Variants in IMMP2L observed in about 807,000 individuals in gnomAD.
The protein encoded by IMMP2L is inner mitochondrial membrane peptidase subunit 2.
In IMMP2L, 18 loss-of-function variants were observed where a neutral mutation model predicts 19.3. That is an observed-to-expected ratio of 0.93 (90% CI 0.64 to 1.38). IMMP2L has a LOEUF of 1.38. Among genes scored for constraint, IMMP2L ranks in the 40% most tolerant of loss-of-function variants. The probability of loss-of-function intolerance (pLI) is 0.00; values close to 1 mark genes in which losing one functional copy is unlikely to be tolerated. For synonymous variants in IMMP2L, 76 were observed against 73.0 expected, an observed-to-expected ratio of 1.04 and a Z score of -0.21; for missense variants, 233 against 218.2, an observed-to-expected ratio of 1.07 and a Z score of -0.43.
intron 5 of IMMP2L, among the ~76,000 whole-genome samples, chr7:110,794,715 T>C (rs1270153666): frequency 6.6e-6 from 1 of 151,784 alleles, no homozygotes; most frequent in Non-Finnish European, 1.5e-5. Context: ...TAGAAGAAAA[T>C]AAGGAAAGTG....
At chr7:111,087,604 T>C (rs1796465976) in intron 3 of IMMP2L, among the ~76,000 whole-genome samples, 1 of 152,168 alleles carries the variant, frequency 6.6e-6, no homozygotes, top group African/African-American at 2.4e-5. Context: ...CGACAGATGT[T>C]ATTTTATCCA....
At chr7:111,169,209 G>T (rs1319858360) in intron 3 of IMMP2L, among the ~76,000 whole-genome samples, 1 of 151,806 alleles carries the variant, frequency 6.6e-6, no homozygotes, top group Non-Finnish European at 1.5e-5. Context: ...CAACCTCCTT[G>T]GACCCTCCCT....
intron 3 of IMMP2L, among the ~76,000 whole-genome samples, chr7:111,465,975 C>T (rs549089768): frequency 6.6e-6 from 1 of 152,206 alleles, no homozygotes; most frequent in South Asian, 2.1e-4. Flanking sequence ...CACATATACA[C>T]CATGGAATAC....
In IMMP2L at chr7:111,123,663, G is replaced by A; in HGVS notation, c.240-160098C>T. 1 of 1,613,922 alleles carries A rather than the reference G, an allele frequency of 6.2e-7. No individual in the cohort carries two copies. The highest frequency in any genetic ancestry group is 8.5e-7 in the Non-Finnish European group (1 of 1,179,954). On this transcript the variant is annotated intron_variant, in intron 3 of 5. Transcript: ENST00000405709. This position sits in a 1 kb window ranked among gnomAD's most constrained non-coding sequence, Gnocchi z 6.4. ...TGGGGATAAATAATATGCCTGAGCT[G>A]ATTTCCATCGATAGTCTTGCTGTGG... is the stretch of plus-strand genomic sequence containing the variant.
intron 3 of IMMP2L, among the ~76,000 whole-genome samples, chr7:111,384,371 T>C (rs935378739): frequency 1.3e-5 from 2 of 151,040 alleles, no homozygotes; most frequent in Non-Finnish European, 3.0e-5. Flanking sequence ...GGAGGGGGAA[T>C]TGTATCTCCA....
chr7:110,826,066 G>A (rs538890609), intron 5 of IMMP2L, among the ~76,000 whole-genome samples: 8 of 152,186 alleles, frequency 5.3e-5, no homozygotes, highest in Admixed American at 6.5e-5. Flanking sequence ...ACATTTATGC[G>A]CCAACAGACA....
intron 5 of IMMP2L, among the ~76,000 whole-genome samples, chr7:110,669,529 C>G (rs992580456): frequency 6.6e-6 from 1 of 152,210 alleles, no homozygotes; most frequent in African/African-American, 2.4e-5. Flanking sequence ...CAAGCTGACA[C>G]ATAAAATTCA....
chr7:110,908,775 A>G (rs1812739673), intron 4 of IMMP2L, among the ~76,000 whole-genome samples: 1 of 152,240 alleles, frequency 6.6e-6, no homozygotes, highest in Non-Finnish European at 1.5e-5. Context: ...GTATCTATGA[A>G]GTAAATAACT....
intron 5 of IMMP2L, among the ~76,000 whole-genome samples, chr7:110,828,623 A>C (rs1338194765): frequency 6.6e-6 from 1 of 152,178 alleles, no homozygotes; most frequent in East Asian, 1.9e-4. Context: ...AGGTGATACT[A>C]AAAGAAATGT....
chr7:110,898,356 G>A (rs1431524747), intron 4 of IMMP2L, among the ~76,000 whole-genome samples: 1 of 152,004 alleles, frequency 6.6e-6, no homozygotes, highest in Non-Finnish European at 1.5e-5. Context: ...ATGTTAGAGG[G>A]CAAGAACAGA....
intron 3 of IMMP2L, among the ~76,000 whole-genome samples, chr7:111,145,754 TAAG>T (rs2075359596): frequency 6.6e-6 from 1 of 152,072 alleles, no homozygotes; most frequent in Non-Finnish European, 1.5e-5. Context: ...CACTTCTTAC[TAAG>T]AAGCACAATT....
intron 5 of IMMP2L, among the ~76,000 whole-genome samples, chr7:110,705,389 A>G (rs544918797): frequency 6.6e-6 from 1 of 152,282 alleles, no homozygotes; most frequent in South Asian, 2.1e-4. Flanking sequence ...CTTATTTACT[A>G]TGAAACATAT....
chr7:111,322,737 A>T (rs1248840655), intron 3 of IMMP2L, among the ~76,000 whole-genome samples: 1 of 151,886 alleles, frequency 6.6e-6, no homozygotes, highest in Non-Finnish European at 1.5e-5. Flanking sequence ...TACATGAGAA[A>T]AAGACCTTTT....
At chr7:111,227,922 C>T (rs935403979) in intron 3 of IMMP2L, among the ~76,000 whole-genome samples, 19 of 152,034 alleles carry the variant, frequency 1.2e-4, no homozygotes, top group African/African-American at 4.6e-4. Flanking sequence ...AAAACCACTT[C>T]TACTATTAAT....
At chr7:111,263,987 T>G (rs1026598983) in intron 3 of IMMP2L, among the ~76,000 whole-genome samples, 1 of 152,082 alleles carries the variant, frequency 6.6e-6, no homozygotes, top group Non-Finnish European at 1.5e-5. Flanking sequence ...ATTTTAGATA[T>G]CTAAAAATAA....
chr7:111,365,179 A>G (rs1010823878), intron 3 of IMMP2L, among the ~76,000 whole-genome samples: 1 of 152,104 alleles, frequency 6.6e-6, no homozygotes, highest in Non-Finnish European at 1.5e-5. Flanking sequence ...AATACCCCGC[A>G]GTGGCCTTTG....
chr7:111,521,059 C>A (rs1420057865), intron 2 of IMMP2L, among the ~76,000 whole-genome samples: 5 of 152,060 alleles, frequency 3.3e-5, no homozygotes, highest in African/African-American at 1.2e-4. Flanking sequence ...TAAGAATCTC[C>A]ATTTAAAATT....
At chr7:110,988,773 G>T (rs1258763505) in intron 3 of IMMP2L, among the ~76,000 whole-genome samples, 1 of 151,930 alleles carries the variant, frequency 6.6e-6, no homozygotes, top group Admixed American at 6.6e-5. Context: ...TCCTAAAAAG[G>T]AATAGTATGT....
chr7:111,493,354 C>T (rs1311558501), intron 2 of IMMP2L, among the ~76,000 whole-genome samples: 2 of 152,178 alleles, frequency 1.3e-5, no homozygotes, highest in South Asian at 4.2e-4. Flanking sequence ...GTTCCTATGG[C>T]ACTATAAGAA....
Sources: gnomAD v4.1 joint callset for allele counts (sites outside exome capture counted in the v4.1 genomes callset) on GRCh38, gnomAD v4.1.1 for gene constraint, Gnocchi (gnomAD v3.1) non-coding constraint, MANE v1.5 for transcripts, NCBI Gene and HGNC (gene_info 2026-07-23, HGNC 2026-07-21) for gene names.